The following B3GAT2 variants were observed in gnomAD, a reference collection of about 807,000 sequenced individuals.
B3GAT2 encodes beta-1,3-glucuronyltransferase 2, also known as galactosylgalactosylxylosylprotein 3-beta-glucuronosyltransferase 2.
B3GAT2 carries 26 observed loss-of-function variants against 27.8 expected under a neutral mutation model. The ratio of observed to expected loss-of-function variants is 0.93; its 90% confidence interval spans 0.68 to 1.30. B3GAT2 has a LOEUF of 1.30. Ranked by LOEUF, B3GAT2 falls within the 50% of genes most tolerant of loss-of-function variation. The probability of loss-of-function intolerance (pLI) is 0.00; values close to 1 mark genes in which losing one functional copy is unlikely to be tolerated. For missense variants in B3GAT2, 458 were observed against 459.0 expected, an observed-to-expected ratio of 1.00 and a Z score of 0.02; for synonymous variants, 218 against 195.1, an observed-to-expected ratio of 1.12 and a Z score of -0.98.
chr6:70,902,659 CACACACAT>C lies in B3GAT2; in HGVS notation c.592-8395_592-8388del, dbSNP rs201582118. 1.9e-4 allele frequency among the ~76,000 whole-genome samples: 29 copies of C among 150,110 alleles called. No homozygotes were observed. The East Asian group carries it at 3.4e-3, about 17-fold the overall frequency. On this transcript the variant is annotated intron_variant, in intron 1 of 3. Coordinates refer to ENST00000230053, the MANE Select transcript of B3GAT2 (RefSeq NM_080742.3). The stretch of plus-strand genomic sequence containing the variant: ...ATATACACACACACACACACACACA[CACACACAT>C]ATATATATATACACATAAACACAAT...
At position 70,905,167 on chromosome 6, in the gene B3GAT2, G is replaced by T. The variant is rs1455157438; in HGVS notation, c.592-10895C>A. Among the ~76,000 whole-genome samples the T allele has an allele frequency of 3.3e-5, 5 of 152,196 alleles. No individual in the cohort carries two copies. In the East Asian group the frequency reaches 9.6e-4, roughly 29 times the overall value. ...CAAGGTTTCCAGGAAAGCAGCAACT[G>T]CTGTAGAATAGAACCACAGCTAGGA... On this transcript the variant is annotated intron_variant, in intron 1 of 3. Transcript: ENST00000230053.
At chr6:70,925,222 A>C (rs1406065309) in intron 1 of B3GAT2, among the ~76,000 whole-genome samples, 1 of 152,254 alleles carries the variant, frequency 6.6e-6, no homozygotes, top group Non-Finnish European at 1.5e-5. Context: ...CAGCTCATGC[A>C]TCTGCGTGAG....
At position 70,930,547 on chromosome 6, in the gene B3GAT2, C is replaced by T. The variant is rs528463324; in HGVS notation, c.591+25292G>A. Among the ~76,000 whole-genome samples the T allele has an allele frequency of 7.8e-4, 119 of 152,274 alleles. 1 individual carries two copies. The highest frequency in any genetic ancestry group is 1.2e-3 in the Non-Finnish European group (83 of 68,004). On this transcript the variant is annotated intron_variant, in intron 1 of 3. Transcript: ENST00000230053. ...AGTGGGCGAAGGATATGAACAGACA[C>T]TTCTCAAAAGACATGCAGCCAACAG...
chr6:70,905,395 A>G (rs1425051033), intron 1 of B3GAT2, among the ~76,000 whole-genome samples: 1 of 152,250 alleles, frequency 6.6e-6, no homozygotes. Flanking sequence ...TATTGAAAAT[A>G]CAAATATAAT....
chr6:70,950,008 A>T (rs890182141), intron 1 of B3GAT2, among the ~76,000 whole-genome samples: 10 of 151,642 alleles, frequency 6.6e-5, no homozygotes, highest in African/African-American at 2.4e-4. Context: ...GAACAATGAG[A>T]ACACATGGAC....
chr6:70,881,703 G>A (rs369924154), intron 2 of B3GAT2, among the ~76,000 whole-genome samples: 1 of 152,158 alleles, frequency 6.6e-6, no homozygotes, highest in Non-Finnish European at 1.5e-5. Flanking sequence ...TCTGCCATGC[G>A]AGGAAGCTGT....
chr6:70,858,267 A>T lies in B3GAT2; in HGVS notation c.*3396T>A. On this transcript the variant is annotated 3_prime_UTR_variant, in exon 4 of 4. Coordinates refer to ENST00000230053, the MANE Select transcript of B3GAT2 (RefSeq NM_080742.3). ...TACTTTCTAGCTTCTCCCAAATCAAACCAGATTTATTTTCTAAATCTTTTT... is the reference window on the plus strand; with the variant it reads ...TACTTTCTAGCTTCTCCCAAATCAATCCAGATTTATTTTCTAAATCTTTTT... 1.5e-6 allele frequency: 2 copies of T among 1,370,154 alleles called. No homozygotes were observed. The highest frequency in any genetic ancestry group is 2.0e-6 in the Non-Finnish European group (2 of 1,021,068). The allele number at this position is 1,370,154 out of a possible 1,614,324, so 84.9% of individuals were successfully genotyped here. A position where few individuals can be genotyped will look rare whatever the true frequency, so the allele number is the denominator to read the frequency against.
At chr6:70,881,773 ACT>A (rs1464446039) in intron 2 of B3GAT2, among the ~76,000 whole-genome samples, 1 of 152,068 alleles carries the variant, frequency 6.6e-6, no homozygotes, top group African/African-American at 2.4e-5. Flanking sequence ...GGATCTCTGC[ACT>A]CTGAGAATAG....
chr6:70,878,945 C>A (rs1175859982), intron 2 of B3GAT2, among the ~76,000 whole-genome samples: 1 of 152,074 alleles, frequency 6.6e-6, no homozygotes, highest in African/African-American at 2.4e-5. Context: ...CTCTCCGTCA[C>A]CAGCAGGCAT....
chr6:70,946,685 T>C (rs1765489385), intron 1 of B3GAT2, among the ~76,000 whole-genome samples: 1 of 151,980 alleles, frequency 6.6e-6, no homozygotes, highest in Non-Finnish European at 1.5e-5. Flanking sequence ...GACAGAAAGT[T>C]AACAAGGATA....
At chr6:70,935,038 C>A (rs1331358684) in intron 1 of B3GAT2, among the ~76,000 whole-genome samples, 2 of 151,888 alleles carry the variant, frequency 1.3e-5, no homozygotes, top group Non-Finnish European at 2.9e-5. Flanking sequence ...TATCTATATT[C>A]TTTTTGTCAT....
intron 1 of B3GAT2, among the ~76,000 whole-genome samples, chr6:70,939,916 AT>A (rs909026289): frequency 2.6e-5 from 4 of 152,108 alleles, no homozygotes; most frequent in South Asian, 2.1e-4. Flanking sequence ...AATAAAAAAA[AT>A]AAAATGTAGA....
chr6:70,915,570 G>A lies in B3GAT2; in HGVS notation c.592-21298C>T, dbSNP rs112159394. ...CATTCAAGTCTTTTATCCATCTTGA[G>A]TTAATTTTTGTATAAGGTGTAAGGA... On this transcript the variant is annotated intron_variant, in intron 1 of 3. Coordinates refer to ENST00000230053, the MANE Select transcript of B3GAT2 (RefSeq NM_080742.3). Among the ~76,000 whole-genome samples, 1,414 of 152,194 alleles carry A rather than the reference G, an allele frequency of 9.3e-3. 11 individuals are homozygous for A. The highest frequency in any genetic ancestry group is 0.048 in the Middle Eastern group (14 of 294).
chr6:70,856,869 C>T lies in B3GAT2; in HGVS notation c.*4794G>A. ...TGGTGTTTGTCTCAGGGGACACCCT[C>T]TGCACCAGCAGCTGCAACCCTGTCT... On this transcript the variant is annotated 3_prime_UTR_variant, in exon 4 of 4. Coordinates refer to ENST00000230053, the MANE Select transcript of B3GAT2 (RefSeq NM_080742.3). 2.5e-6 allele frequency: 4 copies of T among 1,612,160 alleles called. No individual in the cohort carries two copies. Among genetic ancestry groups the T allele is most frequent in the South Asian group, 1.1e-5 (1 of 90,736 alleles).
chr6:70,910,418 T>G (rs1010608667), intron 1 of B3GAT2, among the ~76,000 whole-genome samples: 1 of 152,232 alleles, frequency 6.6e-6, no homozygotes, highest in Non-Finnish European at 1.5e-5. Flanking sequence ...AGTTAGAACA[T>G]GCAGCATTTG....
chr6:70,859,181 A>G lies in B3GAT2; in HGVS notation c.*2482T>C, dbSNP rs1771581598. 1 of 547,920 alleles carries G rather than the reference A, an allele frequency of 1.8e-6. No individual in the cohort carries two copies. 33.9% of individuals were successfully genotyped at this position (547,920 alleles called of 1,614,324 possible). ...TTGCTACCACCATTTACAAGAATATAGGTAAAACATTGGTCTCTACCCGCT... is the reference window on the plus strand; with the variant it reads ...TTGCTACCACCATTTACAAGAATATGGGTAAAACATTGGTCTCTACCCGCT... On this transcript the variant is annotated 3_prime_UTR_variant, in exon 4 of 4. Coordinates refer to ENST00000230053, the MANE Select transcript of B3GAT2 (RefSeq NM_080742.3).
intron 2 of B3GAT2, among the ~76,000 whole-genome samples, chr6:70,885,572 G>C (rs961184502): frequency 6.6e-6 from 1 of 152,182 alleles, no homozygotes; most frequent in African/African-American, 2.4e-5. Flanking sequence ...AATGAGCACA[G>C]GTCCACCCGC....
At chr6:70,947,966 C>T (rs1188602982) in intron 1 of B3GAT2, among the ~76,000 whole-genome samples, 1 of 151,754 alleles carries the variant, frequency 6.6e-6, no homozygotes, top group African/African-American at 2.4e-5. Flanking sequence ...ATAAACAGAA[C>T]CAAAGACAAA....
At chr6:70,921,759 T>C (rs1284016019) in intron 1 of B3GAT2, among the ~76,000 whole-genome samples, 9 of 152,220 alleles carry the variant, frequency 5.9e-5, no homozygotes, top group Admixed American at 3.9e-4. Flanking sequence ...ATCCTTTGGA[T>C]AGGGCTTTTT....
Sources: allele counts gnomAD v4.1 joint callset (sites outside exome capture counted in the v4.1 genomes callset), GRCh38; gene constraint gnomAD v4.1.1; transcripts MANE v1.5; gene names NCBI Gene and HGNC (gene_info 2026-07-23, HGNC 2026-07-21).